Variants in GRM7 observed in about 807,000 individuals in gnomAD.
GRM7 encodes metabotropic glutamate receptor 7.
Under a neutral mutation model 84.5 loss-of-function variants are expected in GRM7, and 35 were observed. That is an observed-to-expected ratio of 0.41 (90% CI 0.32 to 0.55). The LOEUF is 0.55. GRM7 is among the 20% of genes least tolerant of loss of function. GRM7 has a pLI of 0.19. For missense variants in GRM7, 1,003 were observed against 1,194.6 expected, an observed-to-expected ratio of 0.84 and a Z score of 2.36; for synonymous variants, 487 against 455.1, an observed-to-expected ratio of 1.07 and a Z score of -0.89.
intron 1 of GRM7, among the ~76,000 whole-genome samples, chr3:6,908,904 G>A (rs1190103383): frequency 1.3e-5 from 2 of 152,026 alleles, no homozygotes; most frequent in African/African-American, 4.8e-5. Flanking sequence ...TTTCTGGCTA[G>A]GTAAGTCAAG....
At chr3:7,441,323 T>A (rs1697277813) in intron 5 of GRM7, among the ~76,000 whole-genome samples, 1 of 152,214 alleles carries the variant, frequency 6.6e-6, no homozygotes, top group East Asian at 1.9e-4. Flanking sequence ...CTTTGCCCAC[T>A]TTTTAATAAG....
chr3:7,603,553 C>T (rs993870436), intron 8 of GRM7, among the ~76,000 whole-genome samples: 2 of 152,146 alleles, frequency 1.3e-5, no homozygotes, highest in Non-Finnish European at 2.9e-5. Context: ...AGAACAGCAG[C>T]TCACAGAGTT....
chr3:7,057,731 C>T (rs114893444), intron 1 of GRM7, among the ~76,000 whole-genome samples: 4 of 151,824 alleles, frequency 2.6e-5, no homozygotes, highest in Non-Finnish European at 5.9e-5. Context: ...AATGGAGGCT[C>T]AATGTTTTAG....
chr3:7,069,147 T>C (rs115167649), intron 1 of GRM7, among the ~76,000 whole-genome samples: 612 of 152,056 alleles, frequency 4.0e-3, no homozygotes, highest in South Asian at 9.1e-3. Context: ...ACCCTTAATA[T>C]TGAAACTATT....
At chr3:6,867,126 G>A (rs772068583) in intron 1 of GRM7, among the ~76,000 whole-genome samples, 4 of 152,090 alleles carry the variant, frequency 2.6e-5, no homozygotes, top group Non-Finnish European at 5.9e-5. Flanking sequence ...TCTAGGACGT[G>A]TTATTTTTTG....
intron 2 of GRM7, among the ~76,000 whole-genome samples, chr3:7,182,221 C>CA (rs565367163): frequency 3.9e-4 from 59 of 151,562 alleles, no homozygotes; most frequent in Non-Finnish European, 6.2e-4. Context: ...ACTGATAATG[C>CA]AAAAAAAACT....
intron 1 of GRM7, among the ~76,000 whole-genome samples, chr3:6,903,452 C>T (rs929813134): frequency 2.6e-5 from 4 of 152,064 alleles, no homozygotes; most frequent in African/African-American, 9.7e-5. Flanking sequence ...TTTTAAAATA[C>T]ATCTCTGTTG....
At chr3:7,274,571 C>A (rs570662022) in intron 2 of GRM7, among the ~76,000 whole-genome samples, 5 of 151,964 alleles carry the variant, frequency 3.3e-5, no homozygotes, top group Non-Finnish European at 7.4e-5. Flanking sequence ...GTTTTTATCT[C>A]AACAAATTAA....
chr3:6,879,048 G>C (rs933620079), intron 1 of GRM7, among the ~76,000 whole-genome samples: 1 of 152,090 alleles, frequency 6.6e-6, no homozygotes, highest in African/African-American at 2.4e-5. Flanking sequence ...CCCTAAATTG[G>C]CCAAAGGTAG....
chr3:7,210,803 T>C (rs1309115589), intron 2 of GRM7, among the ~76,000 whole-genome samples: 1 of 5,602 alleles, frequency 1.8e-4, no homozygotes, highest in Non-Finnish European at 4.3e-4. Context: ...TGTGTATTGT[T>C]TTTTTTTTTT....
At position 7,316,147 on chromosome 3, in the gene GRM7, C is replaced by T. The variant is rs1185360270; in HGVS notation, c.1033+9495C>T. On this transcript the variant is annotated intron_variant, in intron 4 of 9. Transcript: ENST00000357716. ...GAGCACACTGGGCATGGGTGAGAAA[C>T]AGCACAGAAACTGGTGAGCCGGAGC... 2.0e-5 allele frequency among the ~76,000 whole-genome samples: 3 copies of T among 152,040 alleles called. No individual in the cohort carries two copies. In the East Asian group the frequency reaches 5.8e-4, roughly 29 times the overall value.
chr3:7,472,869 G>C (rs1029747777), intron 7 of GRM7, among the ~76,000 whole-genome samples: 1 of 151,974 alleles, frequency 6.6e-6, no homozygotes. Flanking sequence ...TCCTCCTTTA[G>C]TCCCCAGATT....
At chr3:7,591,219 C>G (rs1319599023) in intron 8 of GRM7, among the ~76,000 whole-genome samples, 1 of 152,100 alleles carries the variant, frequency 6.6e-6, no homozygotes, top group Non-Finnish European at 1.5e-5. Flanking sequence ...CAAGGATGAC[C>G]AACCACTGTT....
chr3:7,259,471 G>A (rs1559533942), intron 2 of GRM7, among the ~76,000 whole-genome samples: 2 of 151,996 alleles, frequency 1.3e-5, no homozygotes, highest in South Asian at 4.1e-4. Flanking sequence ...CCCAGTGTCT[G>A]TTGTCCCCCT....
At chr3:7,481,440 A>G (rs938285085) in intron 7 of GRM7, among the ~76,000 whole-genome samples, 3 of 152,210 alleles carry the variant, frequency 2.0e-5, no homozygotes, top group Non-Finnish European at 4.4e-5. Context: ...GGCAAGTTCA[A>G]TGCATCCTTT....
intron 4 of GRM7, among the ~76,000 whole-genome samples, chr3:7,311,864 G>C (rs1275276481): frequency 6.6e-6 from 1 of 152,110 alleles, no homozygotes. Context: ...CAAAGTGTTA[G>C]GATTACAGGC....
intron 1 of GRM7, among the ~76,000 whole-genome samples, chr3:6,908,137 T>G (rs1696644199): frequency 6.6e-6 from 1 of 152,124 alleles, no homozygotes; most frequent in African/African-American, 2.4e-5. Flanking sequence ...CTACAGAATC[T>G]TGAGAAAGTG....
intron 2 of GRM7, among the ~76,000 whole-genome samples, chr3:7,283,473 A>G (rs1182459448): frequency 2.0e-5 from 3 of 152,140 alleles, no homozygotes; most frequent in African/African-American, 7.2e-5. Flanking sequence ...TAGTATAAAA[A>G]GATAAGACCT....
intron 1 of GRM7, among the ~76,000 whole-genome samples, chr3:6,891,602 A>G (rs987296238): frequency 1.3e-4 from 20 of 152,222 alleles, no homozygotes; most frequent in African/African-American, 2.4e-4. Context: ...CGAGAGATCC[A>G]CTGTTAGTCT....
Sources: gnomAD v4.1 joint callset for allele counts (sites outside exome capture counted in the v4.1 genomes callset) on GRCh38, gnomAD v4.1.1 for gene constraint, MANE v1.5 for transcripts, NCBI Gene and HGNC (gene_info 2026-07-23, HGNC 2026-07-21) for gene names.